Variants in BCAR3 observed in about 807,000 individuals in gnomAD.
BCAR3 encodes breast cancer anti-estrogen resistance protein 3.
A neutral mutation model predicts 80.1 loss-of-function variants in BCAR3; 37 were observed. That is an observed-to-expected ratio of 0.46 (90% CI 0.36 to 0.61). The LOEUF is 0.61. Among genes scored for constraint, BCAR3 ranks in the 20% least tolerant of loss-of-function variants. The probability of loss-of-function intolerance (pLI) is 0.00; values close to 1 mark genes in which losing one functional copy is unlikely to be tolerated. For missense variants in BCAR3, 978 were observed against 1,068.2 expected, an observed-to-expected ratio of 0.92 and a Z score of 1.18; for synonymous variants, 389 against 418.9, an observed-to-expected ratio of 0.93 and a Z score of 0.87.
At chr1:93,724,195 G>A (rs1029573284) in intron 2 of BCAR3, among the ~76,000 whole-genome samples, 11 of 152,202 alleles carry the variant, frequency 7.2e-5, no homozygotes, top group South Asian at 2.1e-4. Context: ...GAGGGGAACC[G>A]AGGCCCCCAG....
chr1:93,579,046 G>A (rs236317), intron 7 of BCAR3, among the ~76,000 whole-genome samples: 3,286 of 152,254 alleles, frequency 0.022, 116 homozygotes, highest in African/African-American at 0.074. Context: ...AAGACCTTGC[G>A]CACGGTGGGA....
At chr1:93,821,316 C>G (rs898872623) in intron 2 of BCAR3, among the ~76,000 whole-genome samples, 4 of 152,156 alleles carry the variant, frequency 2.6e-5, no homozygotes, top group African/African-American at 9.7e-5. Flanking sequence ...CCTCCTCTGA[C>G]CTCACCAAGG....
chr1:93,842,872 T>C (rs1253296581), intron 2 of BCAR3, among the ~76,000 whole-genome samples: 1 of 152,232 alleles, frequency 6.6e-6, no homozygotes, highest in African/African-American at 2.4e-5. Flanking sequence ...TGGAAAATTT[T>C]CTTTTCCTTC....
At chr1:93,740,832 T>C (rs1381839070) in intron 2 of BCAR3, among the ~76,000 whole-genome samples, 2 of 152,276 alleles carry the variant, frequency 1.3e-5, no homozygotes, top group East Asian at 1.9e-4. Context: ...GGAAATTCAG[T>C]AGGGCGGGCT....
At position 93,736,829 on chromosome 1, in the gene BCAR3, T is replaced by A. The variant is rs556720002; in HGVS notation, c.-62-30687A>T. Among the ~76,000 whole-genome samples the A allele has an allele frequency of 7.1e-4, 108 of 152,330 alleles. 1 individual carries two copies. Among genetic ancestry groups the A allele is most frequent in the African/African-American group, 2.0e-3 (85 of 41,574 alleles). ...TATGAAAATAAAAAATCATCATGGT[T>A]AACTTTCGTTGAGTGCTTTCTGTGT... is the stretch of plus-strand genomic sequence containing the variant. On this transcript the variant is annotated intron_variant, in intron 2 of 13. Coordinates refer to the BCAR3 transcript ENST00000370244.
intron 3 of BCAR3, among the ~76,000 whole-genome samples, chr1:93,607,274 G>A (rs181805192): frequency 1.4e-4 from 21 of 152,266 alleles, no homozygotes; most frequent in African/African-American, 4.6e-4. Context: ...AACCAGCTTC[G>A]GGGTGGAGGA....
rs114424353 is a variant in BCAR3 at position 93,599,896 on chromosome 1, G to A, written c.358-7503C>T. 9.1e-3 allele frequency among the ~76,000 whole-genome samples: 1,381 copies of A among 152,050 alleles called. 15 individuals are homozygous for A. The highest frequency in any genetic ancestry group is 0.058 in the Middle Eastern group (17 of 294). ...CTGATTCTTTTACCTATCCCCATTCGAATCCCCACTGTTTAGATTACTGTT... is the reference window on the plus strand; with the variant it reads ...CTGATTCTTTTACCTATCCCCATTCAAATCCCCACTGTTTAGATTACTGTT... On this transcript the variant is annotated intron_variant, in intron 3 of 11. Transcript: ENST00000260502.
intron 2 of BCAR3, among the ~76,000 whole-genome samples, chr1:93,654,207 G>C (rs1176418332): frequency 6.6e-6 from 1 of 152,182 alleles, no homozygotes; most frequent in Non-Finnish European, 1.5e-5. Context: ...CTGCTGCACA[G>C]GGATTTTGTA....
At position 93,673,296 on chromosome 1, in the gene BCAR3, A is replaced by G. The variant is rs144066941; in HGVS notation, c.317+1318T>C. Among the ~76,000 whole-genome samples, 3 of 152,320 alleles carry G rather than the reference A, an allele frequency of 2.0e-5. No individual in the cohort carries two copies. In the East Asian group the frequency reaches 5.8e-4, roughly 29 times the overall value. Reference sequence around the variant, plus strand: ...CTCCACTGCTACCCTGTTAGTCCACATATTTCCACCACCCTATAAAAGGGC... The same window carrying G: ...CTCCACTGCTACCCTGTTAGTCCACGTATTTCCACCACCCTATAAAAGGGC... On this transcript the variant is annotated intron_variant, in intron 2 of 11. Transcript: ENST00000260502.
At chr1:93,624,473 T>C (rs1033935622) in intron 3 of BCAR3, among the ~76,000 whole-genome samples, 3 of 152,218 alleles carry the variant, frequency 2.0e-5, no homozygotes, top group African/African-American at 7.2e-5. Flanking sequence ...TCAGTCTGTG[T>C]GGGCCCGTAG....
chr1:93,762,960 T>C (rs1194225047), intron 2 of BCAR3, among the ~76,000 whole-genome samples: 1 of 152,214 alleles, frequency 6.6e-6, no homozygotes, highest in Non-Finnish European at 1.5e-5. Flanking sequence ...CTTCCTGCTT[T>C]CTCTCTTGCC....
At chr1:93,609,103 G>A (rs578094088) in intron 3 of BCAR3, among the ~76,000 whole-genome samples, 1 of 152,288 alleles carries the variant, frequency 6.6e-6, no homozygotes, top group South Asian at 2.1e-4. Context: ...ATGAAACCAA[G>A]TTCCAGGGGC....
chr1:93,606,683 G>A (rs1312133617), intron 3 of BCAR3, among the ~76,000 whole-genome samples: 2 of 152,100 alleles, frequency 1.3e-5, no homozygotes, highest in Non-Finnish European at 2.9e-5. Flanking sequence ...ACTACGGCTT[G>A]GGAGTCCTCA....
intron 3 of BCAR3, chr1:93,614,136 C>A (rs940253928): frequency 2.2e-6 from 3 of 1,352,130 alleles, no homozygotes; most frequent in Admixed American, 6.7e-5. Flanking sequence ...ACGATCCACT[C>A]GCTCAATTCT....
chr1:93,713,315 G>C (rs1284834292), intron 2 of BCAR3, among the ~76,000 whole-genome samples: 1 of 152,158 alleles, frequency 6.6e-6, no homozygotes, highest in South Asian at 2.1e-4. Context: ...GGAAGCCACA[G>C]AACTCTTTGT....
At chr1:93,640,342 C>G (rs773467826) in intron 3 of BCAR3, among the ~76,000 whole-genome samples, 9 of 151,894 alleles carry the variant, frequency 5.9e-5, no homozygotes, top group Non-Finnish European at 1.2e-4. Flanking sequence ...TCCATAGAGG[C>G]AAATGAAAAT....
At chr1:93,614,687 C>T (rs576968179) in intron 3 of BCAR3, among the ~76,000 whole-genome samples, 56 of 152,310 alleles carry the variant, frequency 3.7e-4, no homozygotes, top group Middle Eastern at 3.4e-3. Context: ...TCAGCAAACA[C>T]CCTGAGCGCC....
intron 3 of BCAR3, among the ~76,000 whole-genome samples, chr1:93,699,209 C>T (rs1649544389): frequency 6.6e-6 from 1 of 152,212 alleles, no homozygotes; most frequent in Non-Finnish European, 1.5e-5. Flanking sequence ...AATTTGAATT[C>T]TCCCCTCTGT....
intron 3 of BCAR3, among the ~76,000 whole-genome samples, chr1:93,699,636 GC>G (rs1453375195): frequency 1.3e-5 from 2 of 152,110 alleles, no homozygotes. Context: ...CCTCCAGCCA[GC>G]CTTTCAACCC....
Sources: gnomAD v4.1 joint callset for allele counts (sites outside exome capture counted in the v4.1 genomes callset) on GRCh38, gnomAD v4.1.1 for gene constraint, MANE v1.5 for transcripts, NCBI Gene and HGNC (gene_info 2026-07-23, HGNC 2026-07-21) for gene names.